CAMTA1: variants seen among roughly 807,000 people sequenced by gnomAD.
CAMTA1 encodes calmodulin binding transcription activator 1, also known as calmodulin-binding transcription activator 1.
CAMTA1 carries 27 observed loss-of-function variants against 170.9 expected under a neutral mutation model. That is an observed-to-expected ratio of 0.16 (90% CI 0.12 to 0.22). The LOEUF is 0.22. Ranked by LOEUF, CAMTA1 falls within the 10% of genes least tolerant of loss-of-function variation. The pLI, the probability that CAMTA1 is intolerant of heterozygous loss-of-function variation, is 1.00. For missense variants in CAMTA1, 1,619 were observed against 2,217.2 expected (o/e 0.73, Z 5.42); for synonymous variants, 833 against 891.5 (o/e 0.93, Z 1.17).
At chr1:6,983,183 C>A (rs1194333682) in intron 3 of CAMTA1, among the ~76,000 whole-genome samples, 1 of 152,204 alleles carries the variant, frequency 6.6e-6, no homozygotes, top group Non-Finnish European at 1.5e-5. Flanking sequence ...CAGAAAGAAT[C>A]TAAGAGTATG....
intron 3 of CAMTA1, among the ~76,000 whole-genome samples, chr1:6,966,318 C>A (rs1691541379): frequency 6.6e-6 from 1 of 152,310 alleles, no homozygotes. Flanking sequence ...AGAGAAACCC[C>A]TCACTTCTTA....
At chr1:6,811,297 C>T (rs535118793) in intron 1 of CAMTA1, among the ~76,000 whole-genome samples, 1 of 152,266 alleles carries the variant, frequency 6.6e-6, no homozygotes, top group South Asian at 2.1e-4. Flanking sequence ...ACCTTTTTCT[C>T]TATGTTAAGT....
Position 7,627,617 on chromosome 1 carries a change from G to A in CAMTA1, c.511-12783G>A, listed in dbSNP as rs115658028. ...GATTGCCCAAAGCTCACAGCTAGGA[G>A]GTAGCAGAACCCAGACTCGAACCTA... On this transcript the variant is annotated intron_variant, in intron 6 of 22. Transcript: ENST00000303635. Among the ~76,000 whole-genome samples, 633 of 152,328 alleles carry A rather than the reference G, an allele frequency of 4.2e-3. 2 individuals are homozygous for A. Among genetic ancestry groups the A allele is most frequent in the Non-Finnish European group, 7.1e-3 (485 of 68,034 alleles).
chr1:7,390,065 G>T (rs2088517923), intron 5 of CAMTA1, among the ~76,000 whole-genome samples: 1 of 152,150 alleles, frequency 6.6e-6, no homozygotes, highest in African/African-American at 2.4e-5. Context: ...CCGCTTCCCT[G>T]CCGGACGGCT....
chr1:7,437,371 C>T (rs985154905), intron 5 of CAMTA1, among the ~76,000 whole-genome samples: 2 of 152,196 alleles, frequency 1.3e-5, no homozygotes, highest in East Asian at 3.9e-4. Context: ...TGTTCGGGGC[C>T]TCTCTTGCCT....
At chr1:7,434,558 T>A (rs920360805) in intron 5 of CAMTA1, among the ~76,000 whole-genome samples, 2 of 152,226 alleles carry the variant, frequency 1.3e-5, no homozygotes, top group African/African-American at 4.8e-5. Flanking sequence ...AAAATGAGTC[T>A]GACATCATCA....
chr1:7,268,017 G>C (rs1001005790), intron 5 of CAMTA1, among the ~76,000 whole-genome samples: 7 of 152,138 alleles, frequency 4.6e-5, no homozygotes, highest in African/African-American at 1.7e-4. Flanking sequence ...CTAGAACACT[G>C]GACACAATAT....
At chr1:7,342,749 G>A (rs2083928917) in intron 5 of CAMTA1, among the ~76,000 whole-genome samples, 1 of 152,204 alleles carries the variant, frequency 6.6e-6, no homozygotes, top group East Asian at 1.9e-4. Context: ...TTGGAGAGCT[G>A]TGACCAGAAA....
intron 4 of CAMTA1, among the ~76,000 whole-genome samples, chr1:7,188,595 C>G (rs1653920947): frequency 6.6e-6 from 1 of 152,206 alleles, no homozygotes; most frequent in Non-Finnish European, 1.5e-5. Flanking sequence ...ACATATTTCA[C>G]TTAGCTTGTC....
At chr1:7,242,255 C>A (rs771128254) in intron 4 of CAMTA1, among the ~76,000 whole-genome samples, 3 of 152,192 alleles carry the variant, frequency 2.0e-5, no homozygotes, top group Non-Finnish European at 4.4e-5. Flanking sequence ...CACTAGGATG[C>A]CTATAATCCA....
Position 7,669,131 on chromosome 1 carries a change from A to G in CAMTA1, c.2653-1780A>G, listed in dbSNP as rs144348024. The stretch of plus-strand genomic sequence containing the variant: ...CTGGGCCACTTGCCTGAGGACACAC[A>G]GCTACTGAGGCGCAGGAGCAGGCCT... On this transcript the variant is annotated intron_variant, in intron 9 of 22. Coordinates refer to ENST00000303635, the MANE Select transcript of CAMTA1 (RefSeq NM_015215.4). Among the ~76,000 whole-genome samples, 433 of 152,248 alleles carry G rather than the reference A, an allele frequency of 2.8e-3. 1 individual carries two copies. Among genetic ancestry groups the G allele is most frequent in the Middle Eastern group, 0.014 (4 of 294 alleles).
intron 4 of CAMTA1, among the ~76,000 whole-genome samples, chr1:7,104,199 A>G (rs574741237): frequency 3.9e-5 from 6 of 152,122 alleles, no homozygotes; most frequent in African/African-American, 1.2e-4. Context: ...ACATGCACAC[A>G]CAACTACACA....
chr1:6,857,547 A>G (rs1221087094), intron 3 of CAMTA1, among the ~76,000 whole-genome samples: 1 of 152,220 alleles, frequency 6.6e-6, no homozygotes, highest in Non-Finnish European at 1.5e-5. Context: ...CAAAGAAGCC[A>G]GAAAGTAGCA....
rs774201203 is a variant in CAMTA1, at chr1:6,808,538, C to T, written c.46-11643C>T. Among the ~76,000 whole-genome samples the T allele has an allele frequency of 5.6e-4, 86 of 152,316 alleles. 1 individual carries two copies. The highest frequency in any genetic ancestry group is 3.4e-3 in the Middle Eastern group (1 of 294). ...CTTCCAATAGGAGAAGCCTTCTTGA[C>T]CTTGCCCCTCTTTTCAGATTGGATC... On this transcript the variant is annotated intron_variant, in intron 1 of 22. Transcript: ENST00000303635.
At chr1:7,467,082 T>C (rs1193234) in intron 5 of CAMTA1, among the ~76,000 whole-genome samples, 93,451 of 151,756 alleles carry the variant, frequency 0.62, 30,142 homozygotes, top group African/African-American at 0.8. Flanking sequence ...CCCCACCCAC[T>C]GGTCAACTCT....
In CAMTA1 at chr1:7,041,892, C is replaced by T. The variant is rs553854407; in HGVS notation, c.235-49412C>T. Among the ~76,000 whole-genome samples the T allele has an allele frequency of 6.6e-6, 1 of 152,234 alleles. No individual in the cohort carries two copies. The highest frequency in any genetic ancestry group is 6.5e-5 in the Admixed American group (1 of 15,290). On this transcript the variant is annotated intron_variant, in intron 3 of 22. Transcript: ENST00000303635. The surrounding 1 kb of genome is among the most constrained non-coding windows in gnomAD (Gnocchi z 5.1). ...TGAAGCCTCCACACTATGGACAGACCAAGTGGTGGCAATAATGTGTGCAGG... is the reference window on the plus strand; with the variant it reads ...TGAAGCCTCCACACTATGGACAGACTAAGTGGTGGCAATAATGTGTGCAGG...
intron 4 of CAMTA1, among the ~76,000 whole-genome samples, chr1:7,158,491 T>C (rs1319451971): frequency 6.6e-6 from 1 of 152,194 alleles, no homozygotes; most frequent in African/African-American, 2.4e-5. Flanking sequence ...ATCCATGCAT[T>C]TCACTCTGTA....
chr1:7,125,772 C>T (rs1644897108), intron 4 of CAMTA1, among the ~76,000 whole-genome samples: 1 of 152,170 alleles, frequency 6.6e-6, no homozygotes, highest in South Asian at 2.1e-4. Flanking sequence ...CCTCATACAT[C>T]ACCCAACCTG....
chr1:7,617,069 G>A (rs2095563841), intron 6 of CAMTA1, among the ~76,000 whole-genome samples: 1 of 152,156 alleles, frequency 6.6e-6, no homozygotes, highest in Non-Finnish European at 1.5e-5. Flanking sequence ...TCTATAAATA[G>A]CCCTTCCCGC....
Sources: allele counts gnomAD v4.1 joint callset (sites outside exome capture counted in the v4.1 genomes callset), GRCh38; gene constraint gnomAD v4.1.1; non-coding constraint Gnocchi (gnomAD v3.1); transcripts MANE v1.5; gene names NCBI Gene and HGNC (gene_info 2026-07-23, HGNC 2026-07-21).